The following PRDM15 variants were observed in gnomAD, a reference collection of about 807,000 sequenced individuals.
The protein encoded by PRDM15 is PR/SET domain 15.
In PRDM15, 64 loss-of-function variants were observed where a neutral mutation model predicts 128.6. The observed-to-expected ratio is 0.50, with a 90% CI of 0.41 to 0.61. The LOEUF (loss-of-function observed/expected upper bound fraction) is 0.61. Ranked by LOEUF, PRDM15 falls within the 20% of genes least tolerant of loss-of-function variation. PRDM15 has a pLI of 0.00. For missense variants in PRDM15, 1,242 were observed against 1,569.1 expected (o/e 0.79, Z 3.52); for synonymous variants, 615 against 621.8 (o/e 0.99, Z 0.16).
intron 1 of PRDM15, chr21:41,861,654 C>T (rs2063816057): frequency 1.9e-6 from 3 of 1,614,086 alleles, no homozygotes; most frequent in Non-Finnish European, 2.5e-6. Flanking sequence ...ATGCTGATTC[C>T]ACACGCCCTC....
chr21:41,820,687 C>T (rs149544238), intron 16 of PRDM15, among the ~76,000 whole-genome samples: 5,009 of 152,322 alleles, frequency 0.033, 105 homozygotes, highest in Middle Eastern at 0.078. Flanking sequence ...CGCCCCTGCA[C>T]GGGACTGTTT....
Position 41,857,178 on chromosome 21 carries a change from T to C in PRDM15, c.283A>G (p.Lys95Glu). The part of the protein sequence containing the change: ...KWEKESAFPL[K>E]VFQKDGHPVC... ...TCCTGTTTGGCAACAGCCTTTACCT[T>C]CAGGGGAAATGCAGACTCCTTTTCC... The change falls in exon 4 of 24, where the codon AAG becomes GAG. Residue 95 changes from lysine to glutamate, a missense_variant and splice_region_variant. Lys to Glu is a moderately conservative substitution (Grantham distance 56). Transcript: ENST00000398548. 6.2e-7 allele frequency: 1 copy of C among 1,612,278 alleles called. No individual in the cohort carries two copies. Among genetic ancestry groups the C allele is most frequent in the Non-Finnish European group, 8.5e-7 (1 of 1,178,908 alleles).
At chr21:41,829,573 AACAG>A (rs1169379545) in intron 11 of PRDM15, among the ~76,000 whole-genome samples, 25 of 119,690 alleles carry the variant, frequency 2.1e-4, no homozygotes, top group African/African-American at 3.0e-4. Context: ...ACAACCCACA[AACAG>A]ACATTCAACA....
chr21:41,826,835 C>T (rs2062488338), intron 12 of PRDM15, among the ~76,000 whole-genome samples: 2 of 152,208 alleles, frequency 1.3e-5, no homozygotes, highest in Non-Finnish European at 1.5e-5. Flanking sequence ...GTATGAGGGA[C>T]AAACCCATAA....
chr21:41,845,476 CG>C (rs1483775405), intron 6 of PRDM15, among the ~76,000 whole-genome samples: 4 of 151,676 alleles, frequency 2.6e-5, no homozygotes, highest in Admixed American at 6.6e-5. Flanking sequence ...AAGGCAGAGC[CG>C]TCACCTGGAA....
At chr21:41,876,683 G>A (rs2064429775) in intron 1 of PRDM15, among the ~76,000 whole-genome samples, 1 of 152,212 alleles carries the variant, frequency 6.6e-6, no homozygotes, top group Non-Finnish European at 1.5e-5. Context: ...CTCTGAGGGA[G>A]AGTTTGAAGA....
Position 41,828,091 on chromosome 21 carries a change from C to A in PRDM15, c.1534+75G>T. Reference sequence around the variant, plus strand: ...AACTGCTCCCCAAAGGCCCTGCTGACTGCTCCATGCCGCCCTGCCCCACCC... The same window carrying A: ...AACTGCTCCCCAAAGGCCCTGCTGAATGCTCCATGCCGCCCTGCCCCACCC... On this transcript the variant is annotated intron_variant, in intron 12 of 23. Transcript: ENST00000398548. This position sits in a 1 kb window ranked among gnomAD's most constrained non-coding sequence, Gnocchi z 5.7. 1 of 1,532,734 alleles carries A rather than the reference C, an allele frequency of 6.5e-7. No homozygotes were observed. The highest frequency in any genetic ancestry group is 8.9e-7 in the Non-Finnish European group (1 of 1,118,336). 94.9% of individuals were successfully genotyped at this position (1,532,734 alleles called of 1,614,324 possible). A position where few individuals can be genotyped will look rare whatever the true frequency, so the allele number is the denominator to read the frequency against.
chr21:41,870,263 A>G lies in PRDM15; in HGVS notation c.-10+9007T>C, dbSNP rs147627455. Among the ~76,000 whole-genome samples the G allele has an allele frequency of 3.6e-3, 553 of 152,342 alleles. 5 individuals carry two copies. Among genetic ancestry groups the G allele is most frequent in the African/African-American group, 0.012 (515 of 41,582 alleles). ...TAAACAAAGAAAAGATACAATATAA[A>G]AAAAGTATTAAGGAATTTTTTTCAT... On this transcript the variant is annotated intron_variant, in intron 1 of 23. Coordinates refer to ENST00000398548, the MANE Select transcript of PRDM15 (RefSeq NM_001040424.3).
Position 41,828,202 on chromosome 21 carries a change from C to A in PRDM15, c.1498G>T (p.Asp500Tyr), listed in dbSNP as rs2146472352. ...CGGCGCTGGTGGTCCAGCATGACGT[C>A]CTTGCGGTAGAACATCTTGCTGCAG... is the stretch of plus-strand genomic sequence containing the variant. ...EVCSKMFYRKDVMLDHQRRHL... is the reference protein window; with the variant it reads ...EVCSKMFYRKYVMLDHQRRHL... The change falls in exon 12 of 24, where the codon GAC becomes TAC. Residue 500 changes from aspartate to tyrosine, a missense_variant. Around this residue, in one of 3 missense-constraint regions of PRDM15, gnomAD observed 612 missense variants for 717.0 expected, o/e 0.85. Transcript: ENST00000398548. This position sits in a 1 kb window ranked among gnomAD's most constrained non-coding sequence, Gnocchi z 5.7. 6.2e-7 allele frequency: 1 copy of A among 1,614,060 alleles called. No individual in the cohort carries two copies. The highest frequency in any genetic ancestry group is 2.2e-5 in the East Asian group (1 of 44,860).
rs2063533442 is a variant in PRDM15, at chr21:41,854,874, G to C, written c.286-56C>G. ...GGGAAATGGCTGATTACCCATCTGT[G>C]TATCAGCGTGTGGGGGGCAGGTGCT... On this transcript the variant is annotated intron_variant, in intron 4 of 23. Transcript: ENST00000398548. The surrounding 1 kb of genome is among the most constrained non-coding windows in gnomAD (Gnocchi z 4.6). The C allele has an allele frequency of 8.4e-6, 13 of 1,549,332 alleles. No individual in the cohort carries two copies. Among genetic ancestry groups the C allele is most frequent in the Non-Finnish European group, 8.7e-6 (10 of 1,145,792 alleles).
At position 41,823,332 on chromosome 21, in the gene PRDM15, G is replaced by A. The variant is rs757121544; in HGVS notation, c.1747C>T (p.His583Tyr). 6.2e-7 allele frequency: 1 copy of A among 1,608,434 alleles called. No homozygotes were observed. Among genetic ancestry groups the A allele is most frequent in the South Asian group, 1.1e-5 (1 of 89,702 alleles). ...GCGATCGACACCTTGAAGTGGACATGGATGTGGTCCCTGAGCACATCCACG... is the reference window on the plus strand; with the variant it reads ...GCGATCGACACCTTGAAGTGGACATAGATGTGGTCCCTGAGCACATCCACG... The part of the protein sequence containing the change: ...FRVDVLRDHI[H>Y]VHFKDIALMD... The change falls in exon 14 of 24, where the codon CAT becomes TAT. Residue 583 changes from histidine (H) to tyrosine (Y), a missense_variant. Physicochemically the swap from His to Tyr is moderately conservative, Grantham distance 83. Coordinates refer to ENST00000398548, the MANE Select transcript of PRDM15 (RefSeq NM_001040424.3).
intron 19 of PRDM15, chr21:41,813,699 T>C (rs2061938677): frequency 1.3e-5 from 2 of 152,466 alleles, no homozygotes; most frequent in Admixed American, 1.3e-4. Flanking sequence ...AGAATGGCCT[T>C]GTATTGGCAT....
At chr21:41,831,414 C>A (rs1357644446) in intron 11 of PRDM15, among the ~76,000 whole-genome samples, 1 of 152,252 alleles carries the variant, frequency 6.6e-6, no homozygotes, top group Non-Finnish European at 1.5e-5. Context: ...TTGCCGACAG[C>A]GTCCCTTGGG....
At chr21:41,860,243 G>T in intron 2 of PRDM15, 84 bp downstream of exon 2, 2 of 1,015,688 alleles carry the variant, frequency 2.0e-6, no homozygotes, top group Non-Finnish European at 3.1e-6. Flanking sequence ...ACGTGGCTTT[G>T]CCCAGACAGC....
rs1216890197 is a variant in PRDM15, at chr21:41,811,242, AAT to A, written c.2393-408_2393-407del. ...GGAAATGGTAACTGAAATCAGGACCAATGGCAAGGAGGACACAGACGAGCCAA... is the reference window on the plus strand; with the variant it reads ...GGAAATGGTAACTGAAATCAGGACCAGGCAAGGAGGACACAGACGAGCCAA... On this transcript the variant is annotated intron_variant, in intron 19 of 23. Transcript: ENST00000398548. This position sits in a 1 kb window ranked among gnomAD's most constrained non-coding sequence, Gnocchi z 4.1. 1 of 189,600 alleles carries A rather than the reference AAT, an allele frequency of 5.3e-6. No individual in the cohort carries two copies. The highest frequency in any genetic ancestry group is 1.2e-4 in the East Asian group (1 of 8,366). 11.7% of individuals were successfully genotyped at this position (189,600 alleles called of 1,614,324 possible). A position where few individuals can be genotyped will look rare whatever the true frequency, so the allele number is the denominator to read the frequency against.
chr21:41,875,724 C>T (rs563147075), intron 1 of PRDM15, among the ~76,000 whole-genome samples: 48 of 152,340 alleles, frequency 3.2e-4, no homozygotes, highest in Middle Eastern at 3.4e-3. Context: ...TGAAATCACT[C>T]TATTGATTCA....
At chr21:41,809,217 G>A (rs1055222164) in intron 21 of PRDM15, among the ~76,000 whole-genome samples, 1 of 150,472 alleles carries the variant, frequency 6.6e-6, no homozygotes, top group Non-Finnish European at 1.5e-5. Flanking sequence ...CACAGCCATG[G>A]CCTATGCAAA....
chr21:41,877,564 GAC>G (rs1229791737), intron 1 of PRDM15: 4 of 152,250 alleles, frequency 2.6e-5, no homozygotes, highest in African/African-American at 9.6e-5. Context: ...ACGGGTGGAA[GAC>G]ACAGTTGCCT....
At chr21:41,834,991 T>C (rs17113969) in intron 11 of PRDM15, among the ~76,000 whole-genome samples, 3 of 152,178 alleles carry the variant, frequency 2.0e-5, no homozygotes, top group Non-Finnish European at 2.9e-5. Context: ...CGTTCCACCC[T>C]GGACGCCGCA....
Sources: allele counts gnomAD v4.1 joint callset (sites outside exome capture counted in the v4.1 genomes callset), GRCh38; gene constraint gnomAD v4.1.1; regional missense constraint gnomAD v4.1.1; non-coding constraint Gnocchi (gnomAD v3.1); transcripts MANE v1.5; gene names NCBI Gene and HGNC (gene_info 2026-07-23, HGNC 2026-07-21).